DYNC2H1: variants seen among roughly 807,000 people sequenced by gnomAD.
The protein encoded by DYNC2H1 is cytoplasmic dynein 2 heavy chain 1.
In DYNC2H1, 410 loss-of-function variants were observed where a neutral mutation model predicts 570.0. The ratio of observed to expected loss-of-function variants is 0.72; its 90% CI spans 0.66 to 0.78. DYNC2H1 has a LOEUF of 0.78. DYNC2H1 is among the 30% of genes least tolerant of loss of function. DYNC2H1 has a pLI of 0.00. For synonymous variants in DYNC2H1, 1,688 were observed against 1,677.6 expected, an observed-to-expected ratio of 1.01 and a Z score of -0.15; for missense variants, 4,865 against 5,046.4, an observed-to-expected ratio of 0.96 and a Z score of 1.09.
At chr11:103,125,420 A>C in intron 12 of DYNC2H1, 125 bp downstream of exon 12, 1 of 672,358 alleles carries the variant, frequency 1.5e-6, no homozygotes, top group Non-Finnish European at 2.2e-6. Flanking sequence ...CTGTGAAATT[A>C]TGTTTTACTA....
rs1031487342 is a variant in DYNC2H1, at chr11:103,395,806, A to G, written c.12157-3857A>G. On this transcript the variant is annotated intron_variant, in intron 83 of 88. Transcript: ENST00000375735. The surrounding 1 kb of genome is among the most constrained non-coding windows in gnomAD (Gnocchi z 4.3). ...ACTGAGTTGAATCAACTCTTCCAGA[A>G]CTCTGTGGACTAAGACTTGGGAAAG... 1.3e-5 allele frequency among the ~76,000 whole-genome samples: 2 copies of G among 152,100 alleles called. No homozygotes were observed. Among genetic ancestry groups the G allele is most frequent in the African/African-American group, 4.8e-5 (2 of 41,416 alleles).
At chr11:103,458,119 G>C (rs1488152337) in intron 87 of DYNC2H1, among the ~76,000 whole-genome samples, 1 of 152,124 alleles carries the variant, frequency 6.6e-6, no homozygotes, top group African/African-American at 2.4e-5. Context: ...GACTCACCCA[G>C]AGCAACTTGC....
chr11:103,200,932 T>G (rs1331435130), intron 50 of DYNC2H1, among the ~76,000 whole-genome samples: 1 of 152,152 alleles, frequency 6.6e-6, no homozygotes, highest in Admixed American at 6.5e-5. Context: ...GTTCAAGTGA[T>G]TCTCCTGCCT....
At chr11:103,176,196 A>G (rs1284349434) in intron 36 of DYNC2H1, 39 bp from the exon 37 acceptor site, 1 of 1,417,430 alleles carries the variant, frequency 7.1e-7, no homozygotes, top group East Asian at 2.7e-5. Context: ...TCATCATTAA[A>G]GTAATAATAA....
At chr11:103,381,717 G>C (rs1281784503) in intron 83 of DYNC2H1, among the ~76,000 whole-genome samples, 1 of 152,232 alleles carries the variant, frequency 6.6e-6, no homozygotes, top group Non-Finnish European at 1.5e-5. Context: ...AAAGTGTTGG[G>C]ATTACAGGCG....
At chr11:103,191,018 A>T (rs928360936) in intron 45 of DYNC2H1, among the ~76,000 whole-genome samples, 6 of 111,972 alleles carry the variant, frequency 5.4e-5, no homozygotes, top group Non-Finnish European at 7.5e-5. Context: ...GAATATATGT[A>T]TATATATATA....
At chr11:103,381,904 C>G (rs1433008954) in intron 83 of DYNC2H1, among the ~76,000 whole-genome samples, 1 of 152,106 alleles carries the variant, frequency 6.6e-6, no homozygotes, top group African/African-American at 2.4e-5. Flanking sequence ...GTAAACTGTT[C>G]AAATACACAT....
At chr11:103,421,630 G>A (rs976233511) in intron 84 of DYNC2H1, among the ~76,000 whole-genome samples, 2 of 152,094 alleles carry the variant, frequency 1.3e-5, no homozygotes, top group African/African-American at 4.8e-5. Context: ...TGAAATTAAG[G>A]TGGAAATCAA....
intron 70 of DYNC2H1, among the ~76,000 whole-genome samples, chr11:103,269,710 GT>G (rs1323965900): frequency 6.6e-6 from 1 of 151,898 alleles, no homozygotes; most frequent in Non-Finnish European, 1.5e-5. Context: ...TTTTATTTCA[GT>G]TACCTATTTC....
chr11:103,195,391 A>G (rs1862477137), intron 47 of DYNC2H1, among the ~76,000 whole-genome samples: 1 of 152,148 alleles, frequency 6.6e-6, no homozygotes, highest in South Asian at 2.1e-4. Flanking sequence ...ATGGATGTTT[A>G]TTTACTCCAG....
At chr11:103,329,960 G>A (rs973094246) in intron 82 of DYNC2H1, among the ~76,000 whole-genome samples, 2 of 151,838 alleles carry the variant, frequency 1.3e-5, no homozygotes, top group Non-Finnish European at 2.9e-5. Context: ...TAAATTCTTC[G>A]TTCAATACCC....
intron 83 of DYNC2H1, among the ~76,000 whole-genome samples, chr11:103,382,772 C>A (rs1408387715): frequency 6.6e-6 from 1 of 152,184 alleles, no homozygotes; most frequent in African/African-American, 2.4e-5. Context: ...TGCCTCTCCT[C>A]CTAAACTGAT....
intron 84 of DYNC2H1, among the ~76,000 whole-genome samples, chr11:103,429,566 T>A (rs1029603731): frequency 2.0e-5 from 3 of 152,216 alleles, no homozygotes; most frequent in African/African-American, 7.2e-5. Flanking sequence ...TATCACAAAT[T>A]ACTCATTGTC....
chr11:103,259,954 T>C lies in DYNC2H1; in HGVS notation c.10672T>C (p.Tyr3558His), dbSNP rs763243292. 5 of 1,539,288 alleles carry C rather than the reference T, an allele frequency of 3.2e-6. No homozygotes were observed. The South Asian group carries it at 6.3e-5, about 19-fold the overall frequency. ...CTCATTACAACATATGGTATATGAA[T>C]ATATATGTCGTTGTCTATTTAAGGT... ...ISSLQHMVYEYICRCLFKADQ... is the reference protein window; with the variant it reads ...ISSLQHMVYEHICRCLFKADQ... The change falls in exon 70 of 89, where the codon TAT (tyrosine) becomes CAT (histidine). Residue 3558 changes from tyrosine to histidine, a missense_variant. Physicochemically the swap from Tyr to His is moderately conservative, Grantham distance 83. This residue lies in a region of DYNC2H1 where 2,401 missense variants were observed against 2,454.6 expected (regional missense o/e 0.98). Transcript: ENST00000375735.
At chr11:103,382,158 T>C (rs1162570253) in intron 83 of DYNC2H1, among the ~76,000 whole-genome samples, 2 of 152,186 alleles carry the variant, frequency 1.3e-5, no homozygotes, top group Non-Finnish European at 2.9e-5. Flanking sequence ...ATTACTGACA[T>C]TCTAACCAAT....
chr11:103,401,577 T>C (rs1259032146), intron 84 of DYNC2H1, among the ~76,000 whole-genome samples: 2 of 152,152 alleles, frequency 1.3e-5, no homozygotes, highest in African/African-American at 4.8e-5. Flanking sequence ...CTGGAATATG[T>C]CTGCCTGTTT....
rs1251077092 is a variant in DYNC2H1 at position 103,205,846 on chromosome 11, G to A, written c.8454+882G>A. 6.6e-6 allele frequency among the ~76,000 whole-genome samples: 1 copy of A among 152,166 alleles called. No individual in the cohort carries two copies. Among genetic ancestry groups the A allele is most frequent in the Non-Finnish European group, 1.5e-5 (1 of 68,036 alleles). ...ACCTGGAGCAGAGTGATTGAGGGGA[G>A]AGTTGGTGAAGATGATGTCAGAGAA... On this transcript the variant is annotated intron_variant, in intron 52 of 88. Transcript: ENST00000375735. The surrounding 1 kb of genome is among the most constrained non-coding windows in gnomAD (Gnocchi z 4.5).
At chr11:103,307,661 G>A in intron 77 of DYNC2H1, 60 bp from the exon 78 acceptor site, 11 of 872,036 alleles carry the variant, frequency 1.3e-5, no homozygotes, top group Non-Finnish European at 1.7e-5. Flanking sequence ...ATAATGTAAT[G>A]TAAAAGAGAA....
rs780781036 is a variant in DYNC2H1, at chr11:103,234,042, G to C, written c.9449G>C (p.Ser3150Thr). The change falls in exon 61 of 89, where the codon AGC (serine) becomes ACC (threonine). Residue 3150 changes from serine to threonine, a missense_variant. By Grantham distance (58) the Ser-to-Thr change is moderately conservative. Coordinates refer to ENST00000375735, the MANE Select transcript of DYNC2H1 (RefSeq NM_001377.3). ...TTTTAATGTTTACATAGATTTCAGA[G>C]CAGGACTTCAGAAGCTGCCAAACTT... ...KVSELKEKFQ[S>T]RTSEAAKLEA... 19 of 1,554,550 alleles carry C rather than the reference G, an allele frequency of 1.2e-5. No homozygotes were observed. The highest frequency in any genetic ancestry group is 1.7e-5 in the Non-Finnish European group (19 of 1,148,348).
Sources: allele counts gnomAD v4.1 joint callset (sites outside exome capture counted in the v4.1 genomes callset), GRCh38; gene constraint gnomAD v4.1.1; regional missense constraint gnomAD v4.1.1; non-coding constraint Gnocchi (gnomAD v3.1); transcripts MANE v1.5; gene names NCBI Gene and HGNC (gene_info 2026-07-23, HGNC 2026-07-21).